The following SOD2 variants were observed in gnomAD, a reference collection of about 807,000 sequenced individuals.
The protein encoded by SOD2 is superoxide dismutase [Mn], mitochondrial.
Under a neutral mutation model 27.0 loss-of-function variants are expected in SOD2, and 11 were observed. The ratio of observed to expected loss-of-function variants is 0.41; its 90% CI spans 0.26 to 0.67. SOD2 has a LOEUF of 0.67. Ranked by LOEUF, SOD2 falls within the 30% of genes least tolerant of loss-of-function variation. The pLI is 0.34. For missense variants in SOD2, 250 were observed against 274.5 expected, an observed-to-expected ratio of 0.91 and a Z score of 0.63; for synonymous variants, 105 against 103.0, an observed-to-expected ratio of 1.02 and a Z score of -0.12.
chr6:159,713,738 G>T, intron 1 of SOD2: 1 of 925,334 alleles, frequency 1.1e-6, no homozygotes, highest in Non-Finnish European at 1.8e-6. Flanking sequence ...TATTAGACTT[G>T]AATACTTCAA....
chr6:159,719,022 G>GT (rs112652349), intron 1 of SOD2, among the ~76,000 whole-genome samples: 8,013 of 149,334 alleles, frequency 0.054, 335 homozygotes, highest in Middle Eastern at 0.11. Context: ...TAGACTTACT[G>GT]TTTTTTTTTT....
At chr6:159,761,828 C>T (rs1202010144) in exon 1 of SOD2, 1 of 217,892 alleles carries the variant, frequency 4.6e-6, no homozygotes, top group Non-Finnish European at 9.0e-6. Context: ...AGACCCCGGC[C>T]TCACTTCCGC....
chr6:159,755,760 C>CTTTTATTTTTTTTTTTTTTT, intron 1 of SOD2: 1 of 281,876 alleles, frequency 3.5e-6, no homozygotes. Context: ...TTTTTTTTTT[C>CTTTTATTTTTTTTTTTTTTT]TTTTCTTTTT....
intron 4 of SOD2, among the ~76,000 whole-genome samples, chr6:159,684,571 C>T (rs1300684523): frequency 1.3e-5 from 2 of 151,968 alleles, no homozygotes; most frequent in African/African-American, 2.4e-5. Flanking sequence ...GAACCGAGAT[C>T]GCACCACTGC....
At chr6:159,736,775 C>G (rs1431418661) in intron 1 of SOD2, 1 of 153,736 alleles carries the variant, frequency 6.5e-6, no homozygotes, top group Non-Finnish European at 1.4e-5. Flanking sequence ...TGTCTAGTCT[C>G]AAATCTCCCC....
intron 1 of SOD2, among the ~76,000 whole-genome samples, chr6:159,725,389 G>C (rs1398184093): frequency 4.7e-5 from 7 of 150,534 alleles, no homozygotes; most frequent in African/African-American, 1.7e-4. Context: ...GCTGAGCTGA[G>C]AGAATCGCTT....
upstream of SOD2, among the ~76,000 whole-genome samples, chr6:159,695,939 C>A (rs975837352): frequency 6.6e-6 from 1 of 152,172 alleles, no homozygotes; most frequent in African/African-American, 2.4e-5. Context: ...TATGGATTTC[C>A]CATAGATAAA....
In SOD2 at chr6:159,678,140, T is replaced by A. The variant is rs1451822379; in HGVS notation, c.*4353A>T. 2 of 152,220 alleles carry A rather than the reference T, an allele frequency of 1.3e-5. No individual in the cohort carries two copies. Among genetic ancestry groups the A allele is most frequent in the Non-Finnish European group, 2.9e-5 (2 of 68,056 alleles). 9.4% of individuals were successfully genotyped at this position (152,220 alleles called of 1,614,324 possible). A position where few individuals can be genotyped will look rare whatever the true frequency, so the allele number is the denominator to read the frequency against. ...TCCAGATGAGCTTCTGGGTAGCTGA[T>A]GACGTGGAGAGAGCATGAAAGCTCC... On this transcript the variant is annotated 3_prime_UTR_variant, in exon 5 of 5. Coordinates refer to ENST00000538183, the MANE Select transcript of SOD2 (RefSeq NM_000636.4).
intron 1 of SOD2, among the ~76,000 whole-genome samples, chr6:159,720,899 C>G (rs1310981097): frequency 1.6e-5 from 2 of 128,560 alleles, no homozygotes; most frequent in African/African-American, 5.7e-5. Context: ...TTGTGTCGCC[C>G]AGGCTGTAGT....
intron 1 of SOD2, among the ~76,000 whole-genome samples, chr6:159,707,430 G>T (rs1368275731): frequency 2.0e-5 from 3 of 152,026 alleles, no homozygotes; most frequent in Non-Finnish European, 4.4e-5. Context: ...AATGTTAAAG[G>T]AGATATCACC....
intron 1 of SOD2, chr6:159,736,635 A>C (rs913726630): frequency 5.4e-6 from 1 of 186,356 alleles, no homozygotes; most frequent in Non-Finnish European, 1.1e-5. Context: ...ATAATGTCAA[A>C]AATGGACATT....
chr6:159,755,750 T>TTTTTTTTTTG (rs1779983575), intron 1 of SOD2: 1 of 1,066,860 alleles, frequency 9.4e-7, no homozygotes, highest in East Asian at 3.6e-5. Flanking sequence ...TTTTTCTTTG[T>TTTTTTTTTTG]TTTTTTTTTC....
chr6:159,692,487 C>T, intron 2 of SOD2, 174 bp downstream of exon 2: 1 of 1,444,502 alleles, frequency 6.9e-7, no homozygotes, highest in Non-Finnish European at 9.1e-7. Flanking sequence ...GGCACTCCTT[C>T]TACAATGAGG....
intron 1 of SOD2, among the ~76,000 whole-genome samples, chr6:159,720,923 C>A (rs1778026165): frequency 7.8e-6 from 1 of 128,576 alleles, no homozygotes; most frequent in African/African-American, 2.9e-5. Context: ...ATGGCGCGAT[C>A]TCGGCTCAGT....
rs1393484224 is a variant in SOD2 at position 159,676,603 on chromosome 6, G to A, written c.*5890C>T. ...CACACACCGGGGCCTGTCGAGGGGT[G>A]GGGAGAAGGGGGAGGGATAGCATTA... On this transcript the variant is annotated 3_prime_UTR_variant, in exon 5 of 5. Transcript: ENST00000538183. The A allele has an allele frequency of 6.6e-6, 1 of 152,086 alleles. No individual in the cohort carries two copies. Among genetic ancestry groups the A allele is most frequent in the East Asian group, 1.9e-4 (1 of 5,186 alleles). 9.4% of individuals were successfully genotyped at this position (152,086 alleles called of 1,614,324 possible).
chr6:159,707,031 T>C (rs1279962121), intron 1 of SOD2, among the ~76,000 whole-genome samples: 1 of 152,012 alleles, frequency 6.6e-6, no homozygotes, highest in Non-Finnish European at 1.5e-5. Context: ...GGGTACATAA[T>C]GAAATGAAGA....
intron 1 of SOD2, among the ~76,000 whole-genome samples, chr6:159,702,479 TA>T (rs1275744803): frequency 6.7e-6 from 1 of 150,236 alleles, no homozygotes; most frequent in Non-Finnish European, 1.5e-5. Flanking sequence ...GTATTTTAAG[TA>T]GATGGGGTTT....
intron 1 of SOD2, among the ~76,000 whole-genome samples, chr6:159,717,964 AT>A (rs370806356): frequency 5.4e-5 from 8 of 149,144 alleles, no homozygotes; most frequent in South Asian, 2.1e-4. Flanking sequence ...CACATACACA[AT>A]TTTTTTTTCT....
intron 1 of SOD2, among the ~76,000 whole-genome samples, chr6:159,733,044 A>T (rs1778686015): frequency 6.6e-6 from 1 of 152,112 alleles, no homozygotes; most frequent in Non-Finnish European, 1.5e-5. Flanking sequence ...AGACATGTGG[A>T]GTTAAATATG....
Sources: gnomAD v4.1 joint callset for allele counts (sites outside exome capture counted in the v4.1 genomes callset) on GRCh38, gnomAD v4.1.1 for gene constraint, MANE v1.5 for transcripts, NCBI Gene and HGNC (gene_info 2026-07-23, HGNC 2026-07-21) for gene names.